TMEM232: variants seen among roughly 807,000 people sequenced by gnomAD.
TMEM232 encodes the protein transmembrane protein 232.
A neutral mutation model predicts 78.8 loss-of-function variants in TMEM232; 80 were observed. The ratio of observed to expected loss-of-function variants is 1.01; its 90% CI spans 0.85 to 1.22. The LOEUF (loss-of-function observed/expected upper bound fraction) is 1.22. TMEM232 is among the 50% of genes most tolerant of loss of function. The probability of loss-of-function intolerance (pLI) is 0.00; values close to 1 mark genes in which losing one functional copy is unlikely to be tolerated. For missense variants in TMEM232, 881 were observed against 742.2 expected (o/e 1.19, Z -2.17); for synonymous variants, 297 against 254.3 (o/e 1.17, Z -1.60).
chr5:110,544,087 C>CATTTA (rs1220044777), intron 11 of TMEM232, among the ~76,000 whole-genome samples: 1 of 152,058 alleles, frequency 6.6e-6, no homozygotes, highest in Non-Finnish European at 1.5e-5. Context: ...CCAACTTTAA[C>CATTTA]CATTTATTTA....
intron 11 of TMEM232, among the ~76,000 whole-genome samples, chr5:110,563,487 G>A (rs561644312): frequency 6.6e-6 from 1 of 151,734 alleles, no homozygotes; most frequent in Non-Finnish European, 1.5e-5. Flanking sequence ...TAAGACTAGA[G>A]AGTAATACAA....
chr5:110,613,545 A>G (rs1782567457), intron 8 of TMEM232, among the ~76,000 whole-genome samples: 1 of 152,152 alleles, frequency 6.6e-6, no homozygotes, highest in South Asian at 2.1e-4. Flanking sequence ...CTGGCATTGA[A>G]CTTTAGGTGT....
At chr5:110,718,349 A>G (rs1344732827) in intron 1 of TMEM232, among the ~76,000 whole-genome samples, 1 of 152,152 alleles carries the variant, frequency 6.6e-6, no homozygotes, top group Non-Finnish European at 1.5e-5. Context: ...AATACATCTT[A>G]AGGCGAAAAT....
intron 12 of TMEM232, among the ~76,000 whole-genome samples, chr5:110,490,386 A>T (rs1764956088): frequency 6.6e-6 from 1 of 152,134 alleles, no homozygotes; most frequent in Non-Finnish European, 1.5e-5. Context: ...GTATGAAAAG[A>T]CATTCTGTAT....
At chr5:110,625,460 A>G in intron 6 of TMEM232, 27 bp from the exon 7 acceptor site, 1 of 1,483,460 alleles carries the variant, frequency 6.7e-7, no homozygotes, top group Middle Eastern at 1.8e-4. Context: ...CATCTGTGAG[A>G]AATAATTTAT....
At chr5:110,605,435 A>G in intron 9 of TMEM232, 77 bp from the exon 10 acceptor site, 2 of 1,432,718 alleles carry the variant, frequency 1.4e-6, no homozygotes, top group Non-Finnish European at 1.8e-6. Flanking sequence ...ACTTATAATA[A>G]TTGTTAAAAG....
intron 12 of TMEM232, among the ~76,000 whole-genome samples, chr5:110,425,265 T>C (rs930441585): frequency 3.9e-5 from 6 of 152,150 alleles, no homozygotes; most frequent in African/African-American, 1.4e-4. Context: ...CCAAAGTCTT[T>C]GTATTACTAA....
At chr5:110,473,390 C>T (rs1332527157) in intron 12 of TMEM232, among the ~76,000 whole-genome samples, 1 of 151,512 alleles carries the variant, frequency 6.6e-6, no homozygotes, top group Non-Finnish European at 1.5e-5. Context: ...ATATCACCGC[C>T]CTCCAGATAA....
chr5:110,688,163 T>A (rs568111711), intron 1 of TMEM232, among the ~76,000 whole-genome samples: 9 of 152,090 alleles, frequency 5.9e-5, no homozygotes, highest in Admixed American at 5.2e-4. Context: ...TATTAATTTA[T>A]CCACAAATGA....
intron 12 of TMEM232, among the ~76,000 whole-genome samples, chr5:110,457,168 C>A (rs966645203): frequency 6.6e-6 from 1 of 151,992 alleles, no homozygotes; most frequent in African/African-American, 2.4e-5. Flanking sequence ...CCTATTAAAT[C>A]ACATTAACTT....
intron 1 of TMEM232, among the ~76,000 whole-genome samples, chr5:110,685,775 T>C (rs886303281): frequency 2.2e-4 from 34 of 152,082 alleles, no homozygotes; most frequent in Admixed American, 4.6e-4. Flanking sequence ...GATAAACAAT[T>C]TGTGGTATGT....
At chr5:110,668,459 GA>G (rs945105751) in intron 1 of TMEM232, among the ~76,000 whole-genome samples, 1 of 152,120 alleles carries the variant, frequency 6.6e-6, no homozygotes, top group Admixed American at 6.6e-5. Context: ...AACCAAACTA[GA>G]AGCCAGAAAG....
chr5:110,437,108 GTCTTTTTCAATT>G (rs1305437781), intron 12 of TMEM232, among the ~76,000 whole-genome samples: 1 of 151,740 alleles, frequency 6.6e-6, no homozygotes, highest in African/African-American at 2.4e-5. Flanking sequence ...CATTTTTTGT[GTCTTTTTCAATT>G]TCTTTCATCA....
chr5:110,476,778 G>T (rs1467823042), intron 12 of TMEM232, among the ~76,000 whole-genome samples: 1 of 151,978 alleles, frequency 6.6e-6, no homozygotes, highest in Non-Finnish European at 1.5e-5. Flanking sequence ...TTTTATGAAT[G>T]GTGGGAGGAA....
At chr5:110,440,657 A>G (rs1758928632) in intron 12 of TMEM232, among the ~76,000 whole-genome samples, 1 of 152,092 alleles carries the variant, frequency 6.6e-6, no homozygotes, top group South Asian at 2.1e-4. Context: ...AATGTTTTCT[A>G]TTTTCCAAAT....
chr5:110,416,131 T>G (rs1045339950), downstream of TMEM232, among the ~76,000 whole-genome samples: 3 of 152,224 alleles, frequency 2.0e-5, no homozygotes, highest in Non-Finnish European at 4.4e-5. Flanking sequence ...GAAGATAATT[T>G]AAAATGCATT....
At chr5:110,651,576 G>A (rs142584529) in intron 2 of TMEM232, among the ~76,000 whole-genome samples, 3 of 152,036 alleles carry the variant, frequency 2.0e-5, no homozygotes. Context: ...GGTAGAGTCT[G>A]TATTTTACTC....
In TMEM232 at chr5:110,642,343, T is replaced by C; in HGVS notation, c.154A>G (p.Ile52Val). 1 of 1,527,998 alleles carries C rather than the reference T, an allele frequency of 6.5e-7. No homozygotes were observed. The highest frequency in any genetic ancestry group is 8.8e-7 in the Non-Finnish European group (1 of 1,138,646). The allele number at this position is 1,527,998 out of a possible 1,614,324, so 94.7% of individuals were successfully genotyped here. ...RPTFSITKEF[I>V]LRFNQTQNSK... Reference sequence around the variant, plus strand: ...TTTTGTGTTTGATTGAATCTCAAGATGAATTCTTTTGTGATTGAAAATGTT... The same window carrying C: ...TTTTGTGTTTGATTGAATCTCAAGACGAATTCTTTTGTGATTGAAAATGTT... Residue 52 changes from isoleucine to valine, a missense_variant, in exon 3 of 14, where the codon ATC (isoleucine) becomes GTC (valine). Transcript: ENST00000455884.
chr5:110,676,948 A>G (rs1478346005), intron 1 of TMEM232, among the ~76,000 whole-genome samples: 1 of 151,734 alleles, frequency 6.6e-6, no homozygotes, highest in Non-Finnish European at 1.5e-5. Context: ...TTTAGTAGAG[A>G]CGAGGATTCA....
Sources: allele counts gnomAD v4.1 joint callset (sites outside exome capture counted in the v4.1 genomes callset), GRCh38; gene constraint gnomAD v4.1.1; transcripts MANE v1.5; gene names NCBI Gene and HGNC (gene_info 2026-07-23, HGNC 2026-07-21).